Variants in FRAS1 observed in about 807,000 individuals in gnomAD.
FRAS1 encodes Fraser extracellular matrix complex subunit 1.
Under a neutral mutation model 435.2 loss-of-function variants are expected in FRAS1, and 290 were observed. The observed-to-expected ratio is 0.67, with a 90% CI of 0.61 to 0.73. FRAS1 has a LOEUF of 0.73. Among genes scored for constraint, FRAS1 ranks in the 30% least tolerant of loss-of-function variants. The pLI is 0.00. For synonymous variants in FRAS1, 1,800 were observed against 1,851.0 expected, an observed-to-expected ratio of 0.97 and a Z score of 0.71; for missense variants, 4,860 against 5,001.5, an observed-to-expected ratio of 0.97 and a Z score of 0.85.
At chr4:78,300,160 T>G (rs1728319165) in intron 14 of FRAS1, among the ~76,000 whole-genome samples, 1 of 152,128 alleles carries the variant, frequency 6.6e-6, no homozygotes, top group Non-Finnish European at 1.5e-5. Flanking sequence ...TCAGGCAGAT[T>G]TCATGCATGT....
intron 2 of FRAS1, among the ~76,000 whole-genome samples, chr4:78,066,460 G>A (rs999262686): frequency 6.6e-6 from 1 of 152,192 alleles, no homozygotes; most frequent in African/African-American, 2.4e-5. Context: ...ATAAACTTAA[G>A]TTTTGGTGAA....
At chr4:78,419,088 T>C (rs1193436307) in intron 33 of FRAS1, 25 bp downstream of exon 33, 2 of 1,286,746 alleles carry the variant, frequency 1.6e-6, no homozygotes, top group Non-Finnish European at 2.2e-6. Context: ...AAATGATCTT[T>C]TGAGTGATAT....
chr4:78,313,583 C>A (rs1729121550), intron 15 of FRAS1, among the ~76,000 whole-genome samples: 1 of 151,946 alleles, frequency 6.6e-6, no homozygotes, highest in Non-Finnish European at 1.5e-5. Context: ...TGTGACTGCA[C>A]TCTCCCTCAC....
chr4:78,438,006 G>T (rs903871006), intron 38 of FRAS1, among the ~76,000 whole-genome samples: 1 of 152,112 alleles, frequency 6.6e-6, no homozygotes, highest in African/African-American at 2.4e-5. Flanking sequence ...TGAAATCCAT[G>T]ACTTCATACA....
intron 15 of FRAS1, among the ~76,000 whole-genome samples, chr4:78,315,214 T>G (rs913700106): frequency 6.6e-6 from 1 of 152,218 alleles, no homozygotes; most frequent in African/African-American, 2.4e-5. Context: ...TGGTACATAC[T>G]TATGCTAAAA....
chr4:78,286,633 G>A (rs1560628270), intron 14 of FRAS1, 94 bp downstream of exon 14: 3 of 1,312,932 alleles, frequency 2.3e-6, no homozygotes, highest in Non-Finnish European at 3.1e-6. Flanking sequence ...GGAGCTGGAA[G>A]CACTTTTTCA....
chr4:78,388,901 T>A (rs1262989156), intron 29 of FRAS1, among the ~76,000 whole-genome samples: 1 of 152,228 alleles, frequency 6.6e-6, no homozygotes, highest in African/African-American at 2.4e-5. Context: ...CCTGTACTAT[T>A]ATTTACTTAA....
Position 78,479,396 on chromosome 4 carries a change from T to C in FRAS1, c.8121T>C (p.Ser2707=). The change falls in exon 56 of 74, where the codon TCT becomes TCC. Residue 2707 remains serine, a synonymous_variant. Transcript: ENST00000512123. ...ERKGDASSIV[S]AICYTVPKSA... ...CAGGAGATGCAAGCAGCATTGTATC[T>C]GCAATTTGCTACACAGTCCCTAAGT... 1 of 1,502,712 alleles carries C rather than the reference T, an allele frequency of 6.7e-7. No homozygotes were observed. Among genetic ancestry groups the C allele is most frequent in the Non-Finnish European group, 8.9e-7 (1 of 1,122,628 alleles). 93.1% of individuals were successfully genotyped at this position (1,502,712 alleles called of 1,614,324 possible). A position where few individuals can be genotyped will look rare whatever the true frequency, so the allele number is the denominator to read the frequency against.
intron 2 of FRAS1, among the ~76,000 whole-genome samples, chr4:78,072,478 CACAA>C (rs1223833445): frequency 3.3e-5 from 5 of 152,102 alleles, no homozygotes; most frequent in South Asian, 2.1e-4. Context: ...TTGAAATCAC[CACAA>C]ACAATTAGTG....
At chr4:78,200,231 T>C (rs548045084) in intron 2 of FRAS1, among the ~76,000 whole-genome samples, 1 of 152,348 alleles carries the variant, frequency 6.6e-6, no homozygotes, top group South Asian at 2.1e-4. Flanking sequence ...TAGTTGTTAC[T>C]ACTGTAAATA....
intron 29 of FRAS1, among the ~76,000 whole-genome samples, chr4:78,399,757 G>A (rs899246733): frequency 1.3e-5 from 2 of 152,110 alleles, no homozygotes; most frequent in Non-Finnish European, 2.9e-5. Flanking sequence ...TTACCACTGC[G>A]ATTACCCTCT....
chr4:78,097,464 T>C (rs1024876358), intron 2 of FRAS1, among the ~76,000 whole-genome samples: 4 of 152,174 alleles, frequency 2.6e-5, no homozygotes, highest in African/African-American at 9.7e-5. Context: ...AAGACATACC[T>C]GAGGCTGGGC....
chr4:78,186,017 T>A (rs1211489779), intron 2 of FRAS1, among the ~76,000 whole-genome samples: 3 of 152,230 alleles, frequency 2.0e-5, no homozygotes, highest in Non-Finnish European at 4.4e-5. Flanking sequence ...GGTTGAATAT[T>A]CCACAGTTGT....
chr4:78,331,798 A>G (rs1223801880), intron 18 of FRAS1, among the ~76,000 whole-genome samples: 2 of 152,228 alleles, frequency 1.3e-5, no homozygotes, highest in Non-Finnish European at 2.9e-5. Flanking sequence ...TTGAGGCTCA[A>G]TGACAAATGA....
intron 2 of FRAS1, among the ~76,000 whole-genome samples, chr4:78,183,045 C>CT (rs1158158352): frequency 1.3e-5 from 2 of 152,090 alleles, no homozygotes; most frequent in Admixed American, 1.3e-4. Flanking sequence ...GAAGGAGCAG[C>CT]TTAAGACAGG....
At chr4:78,130,575 A>C (rs551757900) in intron 2 of FRAS1, among the ~76,000 whole-genome samples, 1 of 152,264 alleles carries the variant, frequency 6.6e-6, no homozygotes, top group African/African-American at 2.4e-5. Context: ...CCACCTTCAA[A>C]AGCCGGTTCA....
At chr4:78,392,553 T>C (rs1490837479) in intron 29 of FRAS1, among the ~76,000 whole-genome samples, 1 of 152,052 alleles carries the variant, frequency 6.6e-6, no homozygotes, top group Non-Finnish European at 1.5e-5. Flanking sequence ...ATATTTTTAT[T>C]TGTAATATGA....
At chr4:78,264,366 C>T (rs1337967223) in intron 6 of FRAS1, among the ~76,000 whole-genome samples, 2 of 152,176 alleles carry the variant, frequency 1.3e-5, no homozygotes, top group Non-Finnish European at 2.9e-5. Context: ...CATTTCTCTG[C>T]ACTGGCTTAT....
intron 29 of FRAS1, among the ~76,000 whole-genome samples, chr4:78,394,218 A>G (rs1424909238): frequency 6.6e-6 from 1 of 151,856 alleles, no homozygotes; most frequent in Non-Finnish European, 1.5e-5. Context: ...TTGGTTTGAC[A>G]TAATCCTGCT....
Sources: allele counts gnomAD v4.1 joint callset (sites outside exome capture counted in the v4.1 genomes callset), GRCh38; gene constraint gnomAD v4.1.1; transcripts MANE v1.5; gene names NCBI Gene and HGNC (gene_info 2026-07-23, HGNC 2026-07-21).